Variants in ADAM22 observed in about 807,000 individuals in gnomAD.
The protein encoded by ADAM22 is disintegrin and metalloproteinase domain-containing protein 22.
A neutral mutation model predicts 144.6 loss-of-function variants in ADAM22; 65 were observed. The ratio of observed to expected loss-of-function variants is 0.45; its 90% confidence interval spans 0.37 to 0.55. ADAM22 has a LOEUF of 0.55. Ranked by LOEUF, ADAM22 falls within the 20% of genes least tolerant of loss-of-function variation. ADAM22 has a pLI of 0.00. For synonymous variants in ADAM22, 391 were observed against 412.6 expected (o/e 0.95, Z 0.63); for missense variants, 974 against 1,184.9 (o/e 0.82, Z 2.61).
At chr7:88,004,495 G>T (rs1175572293) in intron 3 of ADAM22, among the ~76,000 whole-genome samples, 1 of 152,176 alleles carries the variant, frequency 6.6e-6, no homozygotes, top group African/African-American at 2.4e-5. Flanking sequence ...TTTTCTAAAT[G>T]ATGAAAGCAC....
intron 3 of ADAM22, among the ~76,000 whole-genome samples, chr7:88,051,569 G>A (rs1250392977): frequency 2.6e-5 from 4 of 151,274 alleles, no homozygotes; most frequent in African/African-American, 9.7e-5. Context: ...GGGGAGGAGG[G>A]AGGGATAGCA....
intron 3 of ADAM22, among the ~76,000 whole-genome samples, chr7:88,030,753 G>C (rs1041421401): frequency 6.6e-6 from 1 of 152,114 alleles, no homozygotes. Context: ...CTTCCGCCAT[G>C]ATTGTAAATT....
At chr7:88,004,007 AT>A (rs1350612778) in intron 3 of ADAM22, among the ~76,000 whole-genome samples, 1 of 152,318 alleles carries the variant, frequency 6.6e-6, no homozygotes, top group East Asian at 1.9e-4. Flanking sequence ...AAAGAAAGAT[AT>A]TTAAAAAGAC....
chr7:88,132,893 G>A lies in ADAM22; in HGVS notation c.1019G>A (p.Ser340Asn). The change falls in exon 12 of 32, where the codon AGC becomes AAC. Residue 340 changes from serine to asparagine, a missense_variant. Transcript: ENST00000413139. The part of the protein sequence containing the change: ...FSGSQFESSR[S>N]GAAYIGGICS... ...GGAAGTCAATTTGAGAGTAGCCGGA[G>A]CGGGGCAGCTTATATTGGTGGGATT... 1 of 1,613,974 alleles carries A rather than the reference G, an allele frequency of 6.2e-7. No individual in the cohort carries two copies. The highest frequency in any genetic ancestry group is 8.5e-7 in the Non-Finnish European group (1 of 1,179,930).
chr7:88,180,571 T>G (rs1170408331), intron 27 of ADAM22, among the ~76,000 whole-genome samples: 2 of 152,096 alleles, frequency 1.3e-5, no homozygotes, highest in Non-Finnish European at 1.5e-5. Flanking sequence ...CCAGATTCCA[T>G]TAACCAATAT....
chr7:88,010,183 C>T (rs193296327), intron 3 of ADAM22, among the ~76,000 whole-genome samples: 17 of 152,190 alleles, frequency 1.1e-4, no homozygotes, highest in African/African-American at 3.9e-4. Context: ...CCTAAAGAAC[C>T]GTGAAAGGAC....
intron 3 of ADAM22, among the ~76,000 whole-genome samples, chr7:88,055,004 T>G (rs1807807860): frequency 6.6e-6 from 1 of 152,178 alleles, no homozygotes; most frequent in Non-Finnish European, 1.5e-5. Context: ...CTGTGACTTT[T>G]TTCTCCCTGG....
At chr7:87,977,036 G>A (rs1231456524) in intron 2 of ADAM22, among the ~76,000 whole-genome samples, 1 of 151,994 alleles carries the variant, frequency 6.6e-6, no homozygotes, top group Non-Finnish European at 1.5e-5. Flanking sequence ...ATTTAGTTGG[G>A]GCTGGGTATT....
rs775606063 is a variant in ADAM22 at position 88,125,656 on chromosome 7, G to A, written c.675G>A (p.Arg225=). 6 of 1,590,428 alleles carry A rather than the reference G, an allele frequency of 3.8e-6. No individual in the cohort carries two copies. The highest frequency in any genetic ancestry group is 3.4e-5 in the South Asian group (3 of 87,122). The part of the protein sequence containing the change: ...ILKPRPKRSK[R]QLRRYPRNVE... ...AGCCAAGACCAAAAAGGAGTAAACG[G>A]CAGGTATGTATTCACAGTGGTGTGT... is the stretch of plus-strand genomic sequence containing the variant. Residue 225 remains arginine, a synonymous_variant, in exon 8 of 32, where the codon CGG becomes CGA. Coordinates refer to ENST00000413139, the MANE Select transcript of ADAM22 (RefSeq NM_001324418.2).
intron 8 of ADAM22, among the ~76,000 whole-genome samples, chr7:88,126,945 C>T (rs928287197): frequency 1.3e-5 from 2 of 151,828 alleles, no homozygotes; most frequent in Admixed American, 6.6e-5. Context: ...GGGATTCTGA[C>T]CTAGGAAGCC....
intron 3 of ADAM22, among the ~76,000 whole-genome samples, chr7:87,981,686 C>T (rs1186734240): frequency 1.3e-5 from 2 of 152,126 alleles, no homozygotes; most frequent in African/African-American, 4.8e-5. Context: ...TTGCTTTATA[C>T]TGTGGCTCTT....
intron 3 of ADAM22, among the ~76,000 whole-genome samples, chr7:88,020,296 C>T (rs147685561): frequency 6.6e-6 from 1 of 152,290 alleles, no homozygotes; most frequent in South Asian, 2.1e-4. Context: ...GCCAGAACCA[C>T]CATCTCTTTC....
intron 22 of ADAM22, among the ~76,000 whole-genome samples, chr7:88,162,291 C>T (rs1324904701): frequency 6.6e-6 from 1 of 152,030 alleles, no homozygotes; most frequent in Non-Finnish European, 1.5e-5. Context: ...GATGAGAACA[C>T]ATGGACACAA....
chr7:88,173,599 T>C (rs1167506963), intron 26 of ADAM22, among the ~76,000 whole-genome samples: 1 of 152,060 alleles, frequency 6.6e-6, no homozygotes, highest in African/African-American at 2.4e-5. Context: ...ATATTCAATC[T>C]TATAAAAATA....
At chr7:88,025,975 A>G (rs1272199794) in intron 3 of ADAM22, among the ~76,000 whole-genome samples, 5 of 152,170 alleles carry the variant, frequency 3.3e-5, no homozygotes, top group Non-Finnish European at 5.9e-5. Flanking sequence ...CATTTTAACA[A>G]TATCTTTTCA....
At chr7:87,949,298 T>G (rs1024371083) in intron 2 of ADAM22, among the ~76,000 whole-genome samples, 1 of 152,144 alleles carries the variant, frequency 6.6e-6, no homozygotes, top group Non-Finnish European at 1.5e-5. Context: ...GGCAGGGCCA[T>G]GATGACGAGG....
At chr7:88,039,464 A>AAATATATATATATATATATATATATAT in intron 3 of ADAM22, among the ~76,000 whole-genome samples, 1 of 76,402 alleles carries the variant, frequency 1.3e-5, no homozygotes, top group African/African-American at 4.7e-5. Flanking sequence ...AAAAAAAAAA[A>AAATATATATATATATATATATATATAT]ATATATATAT....
At chr7:88,057,281 G>T (rs1334292506) in intron 3 of ADAM22, among the ~76,000 whole-genome samples, 1 of 152,086 alleles carries the variant, frequency 6.6e-6, no homozygotes, top group African/African-American at 2.4e-5. Context: ...TCTTTTTAAT[G>T]ATGGAATAAC....
At chr7:88,059,832 A>G (rs547564803) in intron 3 of ADAM22, among the ~76,000 whole-genome samples, 1 of 152,310 alleles carries the variant, frequency 6.6e-6, no homozygotes, top group East Asian at 1.9e-4. Flanking sequence ...TGGTGGACAT[A>G]ATGATAGAAA....
Sources: allele counts gnomAD v4.1 joint callset (sites outside exome capture counted in the v4.1 genomes callset), GRCh38; gene constraint gnomAD v4.1.1; transcripts MANE v1.5; gene names NCBI Gene and HGNC (gene_info 2026-07-23, HGNC 2026-07-21).